APP: variants seen among roughly 807,000 people sequenced by gnomAD.
APP encodes the protein amyloid beta precursor protein.
Under a neutral mutation model 101.4 loss-of-function variants are expected in APP, and 31 were observed. The observed-to-expected ratio is 0.31, with a 90% CI of 0.23 to 0.41. The LOEUF is 0.41. Among genes scored for constraint, APP ranks in the 10% least tolerant of loss-of-function variants. The probability of loss-of-function intolerance (pLI) is 1.00; values close to 1 mark genes in which losing one functional copy is unlikely to be tolerated. For missense variants in APP, 839 were observed against 1,003.7 expected (o/e 0.84, Z 2.22); for synonymous variants, 366 against 364.4 (o/e 1.00, Z -0.05).
intron 2 of APP, among the ~76,000 whole-genome samples, chr21:26,098,622 A>T (rs2061996532): frequency 6.6e-6 from 1 of 152,238 alleles, no homozygotes; most frequent in Non-Finnish European, 1.5e-5. Context: ...TCAAAAACAC[A>T]AAATCAAACA....
chr21:25,976,028 C>A lies in APP; in HGVS notation c.1225G>T (p.Val409Phe). 1 of 1,612,292 alleles carries A rather than the reference C, an allele frequency of 6.2e-7. No individual in the cohort carries two copies. The highest frequency in any genetic ancestry group is 8.5e-7 in the Non-Finnish European group (1 of 1,178,530). Residue 409 changes from valine to phenylalanine, a missense_variant and splice_region_variant, in exon 10 of 18, where the codon GTC becomes TTC. Val to Phe is a conservative substitution (Grantham distance 50). Transcript: ENST00000346798. ...TCTGCCTCTTCCCATTCTCTCATGA[C>A]CTATAAATTAAGGAAACATTTGAAT... ...EAKHRERMSQ[V>F]MREWEEAERQ...
intron 2 of APP, among the ~76,000 whole-genome samples, chr21:26,103,126 T>C (rs981463716): frequency 7.9e-5 from 12 of 152,326 alleles, no homozygotes; most frequent in African/African-American, 2.4e-4. Context: ...GGATTTTGCA[T>C]GCTTAATGTG....
At chr21:25,972,167 G>A (rs915343657) in intron 11 of APP, among the ~76,000 whole-genome samples, 4 of 152,104 alleles carry the variant, frequency 2.6e-5, no homozygotes, top group Non-Finnish European at 4.4e-5. Context: ...CGATATTATG[G>A]GTGTTGGGGG....
chr21:25,925,213 G>T (rs560040838), intron 13 of APP, among the ~76,000 whole-genome samples: 3 of 190 alleles, frequency 0.016, no homozygotes, highest in African/African-American at 0.059. Context: ...CCACACCAGG[G>T]CTATGAGAAA....
chr21:26,034,975 G>A (rs1208928444), intron 5 of APP, among the ~76,000 whole-genome samples: 1 of 152,014 alleles, frequency 6.6e-6, no homozygotes, highest in African/African-American at 2.4e-5. Flanking sequence ...AATGAAGAAG[G>A]GGTGTTTTCT....
chr21:26,155,300 T>C lies in APP; in HGVS notation c.57+15264A>G, dbSNP rs45579532. 3.1e-3 allele frequency among the ~76,000 whole-genome samples: 467 copies of C among 152,272 alleles called. 2 individuals are homozygous for C. The highest frequency in any genetic ancestry group is 0.011 in the African/African-American group (448 of 41,564). On this transcript the variant is annotated intron_variant, in intron 1 of 17. Transcript: ENST00000346798. ...GTAATAATAAAATAAAAAATAAATATGTGAAATGTGAACATTTTGAAGACA... is the reference window on the plus strand; with the variant it reads ...GTAATAATAAAATAAAAAATAAATACGTGAAATGTGAACATTTTGAAGACA...
At chr21:25,920,306 GAAACTGCATCAACT>G (rs2039567408) in intron 13 of APP, among the ~76,000 whole-genome samples, 1 of 152,108 alleles carries the variant, frequency 6.6e-6, no homozygotes, top group South Asian at 2.1e-4. Flanking sequence ...AGACTAGGAA[GAAACTGCATCAACT>G]AATGAGCAAA....
At chr21:26,039,032 A>C (rs1020005968) in intron 5 of APP, among the ~76,000 whole-genome samples, 1 of 152,196 alleles carries the variant, frequency 6.6e-6, no homozygotes, top group Non-Finnish European at 1.5e-5. Context: ...ATTTACTTAC[A>C]AGTCTTTTCT....
At chr21:25,974,608 G>C (rs2042156433) in intron 11 of APP, among the ~76,000 whole-genome samples, 1 of 152,188 alleles carries the variant, frequency 6.6e-6, no homozygotes, top group South Asian at 2.1e-4. Flanking sequence ...AGACAACCAA[G>C]TATGCTGATG....
At chr21:26,076,357 T>C (rs1006091900) in intron 3 of APP, among the ~76,000 whole-genome samples, 1 of 137,342 alleles carries the variant, frequency 7.3e-6, no homozygotes, top group Non-Finnish European at 1.7e-5. Flanking sequence ...ATGACTTACA[T>C]TAAAAAGTTT....
intron 3 of APP, among the ~76,000 whole-genome samples, chr21:26,068,783 C>A (rs2046561226): frequency 6.6e-6 from 1 of 152,180 alleles, no homozygotes; most frequent in South Asian, 2.1e-4. Context: ...AAGTAAGGCT[C>A]TGTCTTCTAC....
At chr21:25,940,367 A>C (rs939347939) in intron 13 of APP, among the ~76,000 whole-genome samples, 9 of 151,964 alleles carry the variant, frequency 5.9e-5, no homozygotes, top group African/African-American at 2.2e-4. Context: ...TGAACATTTT[A>C]ATTTATTAGG....
chr21:26,170,538 C>T (rs1403174480), intron 1 of APP, 26 bp downstream of exon 1: 8 of 1,536,762 alleles, frequency 5.2e-6, no homozygotes, highest in Non-Finnish European at 7.0e-6. Flanking sequence ...GCAGCCTCCC[C>T]CCGCCTTCCG....
At chr21:26,129,468 CAA>C (rs112803945) in intron 1 of APP, among the ~76,000 whole-genome samples, 1 of 122,886 alleles carries the variant, frequency 8.1e-6, no homozygotes, top group Non-Finnish European at 1.7e-5. Context: ...GACTCCGTTT[CAA>C]AAAAAAAAAA....
chr21:26,035,130 T>C (rs2045043940), intron 5 of APP, among the ~76,000 whole-genome samples: 1 of 150,514 alleles, frequency 6.6e-6, no homozygotes, highest in Non-Finnish European at 1.5e-5. Context: ...CACTAAAAAT[T>C]AAAAAAAAAT....
chr21:26,013,711 C>T (rs748264429), intron 6 of APP, among the ~76,000 whole-genome samples: 3 of 151,966 alleles, frequency 2.0e-5, no homozygotes, highest in Non-Finnish European at 2.9e-5. Flanking sequence ...AAATGTGTAT[C>T]TTTGTGAATA....
chr21:26,030,015 G>T (rs1054684107), intron 5 of APP, among the ~76,000 whole-genome samples: 30 of 152,304 alleles, frequency 2.0e-4, no homozygotes, highest in Middle Eastern at 3.4e-3. Context: ...CCCAGCTTTT[G>T]TGTAAACCAG....
intron 17 of APP, among the ~76,000 whole-genome samples, chr21:25,886,240 A>G (rs1452538610): frequency 6.6e-6 from 1 of 152,136 alleles, no homozygotes; most frequent in Admixed American, 6.5e-5. Flanking sequence ...GTAACCTCCC[A>G]GTAACTGCCT....
chr21:25,989,270 T>C (rs1009285869), intron 8 of APP, among the ~76,000 whole-genome samples: 2 of 152,228 alleles, frequency 1.3e-5, no homozygotes, highest in African/African-American at 2.4e-5. Context: ...AGTTGAACTG[T>C]ACATGCACTG....
Sources: allele counts gnomAD v4.1 joint callset (sites outside exome capture counted in the v4.1 genomes callset), GRCh38; gene constraint gnomAD v4.1.1; transcripts MANE v1.5; gene names NCBI Gene and HGNC (gene_info 2026-07-23, HGNC 2026-07-21).